The following GRXCR1 variants were observed in gnomAD, a reference collection of about 807,000 sequenced individuals.
GRXCR1 encodes glutaredoxin domain-containing cysteine-rich protein 1.
In GRXCR1, 27 loss-of-function variants were observed where a neutral mutation model predicts 27.3. That is an observed-to-expected ratio of 0.99 (90% confidence interval 0.73 to 1.37). The LOEUF is 1.37. Among genes scored for constraint, GRXCR1 ranks in the 40% most tolerant of loss-of-function variants. GRXCR1 has a pLI of 0.00. For synonymous variants in GRXCR1, 122 were observed against 131.1 expected (o/e 0.93, Z 0.47); for missense variants, 379 against 354.4 (o/e 1.07, Z -0.56).
At chr4:43,001,745 T>G (rs1055621409) in intron 2 of GRXCR1, among the ~76,000 whole-genome samples, 1 of 151,686 alleles carries the variant, frequency 6.6e-6, no homozygotes, top group Non-Finnish European at 1.5e-5. Flanking sequence ...CAACAGTGGG[T>G]CCAGGGGACC....
intron 1 of GRXCR1, among the ~76,000 whole-genome samples, chr4:42,956,910 G>A (rs555963360): frequency 5.3e-5 from 8 of 152,098 alleles, no homozygotes; most frequent in Admixed American, 2.0e-4. Context: ...GGGGTTTCTC[G>A]TTGCTGTAGG....
intron 2 of GRXCR1, among the ~76,000 whole-genome samples, chr4:42,973,993 G>A (rs374406324): frequency 8.5e-5 from 13 of 152,264 alleles, no homozygotes; most frequent in African/African-American, 3.1e-4. Context: ...GCACAACAAT[G>A]TACCAAAGTG....
chr4:42,944,653 G>A (rs921912266), intron 1 of GRXCR1, among the ~76,000 whole-genome samples: 2 of 151,954 alleles, frequency 1.3e-5, no homozygotes, highest in Non-Finnish European at 2.9e-5. Flanking sequence ...CAAAACTTAC[G>A]TTTCCTACCT....
intron 2 of GRXCR1, among the ~76,000 whole-genome samples, chr4:42,996,094 CA>C (rs1270632442): frequency 2.6e-5 from 4 of 151,890 alleles, no homozygotes; most frequent in Non-Finnish European, 5.9e-5. Flanking sequence ...GAAGCATGCA[CA>C]AAAAATTATA....
chr4:42,931,654 C>T (rs184599603), intron 1 of GRXCR1, among the ~76,000 whole-genome samples: 24 of 151,760 alleles, frequency 1.6e-4, no homozygotes, highest in African/African-American at 3.1e-4. Flanking sequence ...TTTTGAAATA[C>T]GTATACGTTG....
At chr4:42,949,748 T>C (rs182769293) in intron 1 of GRXCR1, among the ~76,000 whole-genome samples, 193 of 152,274 alleles carry the variant, frequency 1.3e-3, no homozygotes, top group African/African-American at 4.5e-3. Context: ...ACTGGGACCA[T>C]GATCATTAGT....
At chr4:42,998,924 C>T (rs1223924772) in intron 2 of GRXCR1, among the ~76,000 whole-genome samples, 1 of 152,202 alleles carries the variant, frequency 6.6e-6, no homozygotes, top group East Asian at 1.9e-4. Context: ...ATACAGCTAA[C>T]ATTGGTGACT....
chr4:42,899,819 G>A (rs112489583), intron 1 of GRXCR1, among the ~76,000 whole-genome samples: 1,547 of 152,222 alleles, frequency 0.01, 33 homozygotes, highest in African/African-American at 0.036. Flanking sequence ...CAGAATCTTT[G>A]TATCATGACA....
At chr4:42,964,636 A>G (rs1417081052) in intron 2 of GRXCR1, among the ~76,000 whole-genome samples, 1 of 152,006 alleles carries the variant, frequency 6.6e-6, no homozygotes, top group African/African-American at 2.4e-5. Flanking sequence ...CAAGGCCAGC[A>G]ATCAAAGTTA....
intron 1 of GRXCR1, among the ~76,000 whole-genome samples, chr4:42,940,790 T>C (rs1747600130): frequency 6.6e-6 from 1 of 152,054 alleles, no homozygotes; most frequent in Non-Finnish European, 1.5e-5. Flanking sequence ...GGGCTTATAA[T>C]TACAATTTGT....
Position 42,903,472 on chromosome 4 carries a change from A to T in GRXCR1, c.384+9822A>T, listed in dbSNP as rs146534878. Among the ~76,000 whole-genome samples the T allele has an allele frequency of 2.1e-5, 3 of 145,764 alleles. 1 individual carries two copies. Among genetic ancestry groups the T allele is most frequent in the African/African-American group, 5.0e-5 (2 of 40,192 alleles). ...GACTACAGGCACCCACCACCACGCC[A>T]GGCTAATTTTTTGTATTTTTTAGTA... is the stretch of plus-strand genomic sequence containing the variant. On this transcript the variant is annotated intron_variant, in intron 1 of 3. Transcript: ENST00000399770.
At chr4:43,004,257 T>C (rs1356993640) in intron 2 of GRXCR1, among the ~76,000 whole-genome samples, 1 of 152,234 alleles carries the variant, frequency 6.6e-6, no homozygotes, top group Non-Finnish European at 1.5e-5. Context: ...CTTTGCGAGC[T>C]TCTGCCTAGA....
chr4:42,963,206 T>C (rs573476478), intron 2 of GRXCR1, 72 bp downstream of exon 2: 6 of 1,550,860 alleles, frequency 3.9e-6, no homozygotes, highest in Non-Finnish European at 5.3e-6. Context: ...TAACCATCTA[T>C]ACATTTGCAG....
intron 2 of GRXCR1, among the ~76,000 whole-genome samples, chr4:43,015,622 T>C (rs1193920620): frequency 6.6e-6 from 1 of 152,082 alleles, no homozygotes; most frequent in Non-Finnish European, 1.5e-5. Flanking sequence ...GGCTCACCCA[T>C]AGCTACCATT....
intron 1 of GRXCR1, among the ~76,000 whole-genome samples, chr4:42,910,149 CA>C (rs1490168895): frequency 6.6e-6 from 1 of 152,074 alleles, no homozygotes; most frequent in Non-Finnish European, 1.5e-5. Context: ...TTAAAATCAT[CA>C]GATCTCACGA....
At chr4:43,029,154 T>C (rs1353413209) in intron 3 of GRXCR1, among the ~76,000 whole-genome samples, 1 of 152,206 alleles carries the variant, frequency 6.6e-6, no homozygotes, top group African/African-American at 2.4e-5. Context: ...AATTATATTA[T>C]TGACTCGATA....
intron 1 of GRXCR1, among the ~76,000 whole-genome samples, chr4:42,916,649 C>T (rs1233868356): frequency 3.3e-5 from 5 of 152,000 alleles, no homozygotes; most frequent in East Asian, 1.9e-4. Flanking sequence ...GCACAATTTC[C>T]GTTCACTCCC....
At chr4:42,975,604 G>A (rs533927284) in intron 2 of GRXCR1, among the ~76,000 whole-genome samples, 3 of 152,144 alleles carry the variant, frequency 2.0e-5, no homozygotes, top group African/African-American at 4.8e-5. Context: ...CGGAGTCCAC[G>A]GTCTTACTGG....
At chr4:42,940,503 AC>A (rs1747593494) in intron 1 of GRXCR1, among the ~76,000 whole-genome samples, 1 of 152,114 alleles carries the variant, frequency 6.6e-6, no homozygotes, top group South Asian at 2.1e-4. Context: ...TGGAGCTGAA[AC>A]AAAAAATGCA....
Sources: gnomAD v4.1 joint callset for allele counts (sites outside exome capture counted in the v4.1 genomes callset) on GRCh38, gnomAD v4.1.1 for gene constraint, MANE v1.5 for transcripts, NCBI Gene and HGNC (gene_info 2026-07-23, HGNC 2026-07-21) for gene names.